Variants in LGMN observed in about 807,000 individuals in gnomAD.
The protein encoded by LGMN is asparaginyl endopeptidase.
A neutral mutation model predicts 56.8 loss-of-function variants in LGMN; 36 were observed. The ratio of observed to expected loss-of-function variants is 0.63; its 90% CI spans 0.49 to 0.84. The LOEUF (loss-of-function observed/expected upper bound fraction) is 0.84. Among genes scored for constraint, LGMN ranks in the 40% least tolerant of loss-of-function variants. The pLI is 0.00. For synonymous variants in LGMN, 199 were observed against 210.1 expected (o/e 0.95, Z 0.46); for missense variants, 446 against 556.1 (o/e 0.80, Z 1.99).
At chr14:92,716,300 T>C (rs149449628) in intron 4 of LGMN, 79 bp from the exon 5 acceptor site, 4 of 999,114 alleles carry the variant, frequency 4.0e-6, no homozygotes, top group Non-Finnish European at 6.4e-6. Context: ...AACCGACCCA[T>C]GCCACCAGCC....
chr14:92,704,084 C>A lies in LGMN; in HGVS notation c.*235G>T, dbSNP rs752417825. The A allele has an allele frequency of 8.4e-5, 59 of 704,490 alleles. No individual in the cohort carries two copies. The highest frequency in any genetic ancestry group is 1.4e-4 in the Non-Finnish European group (53 of 387,518). 43.6% of individuals were successfully genotyped at this position (704,490 alleles called of 1,614,324 possible). A position where few individuals can be genotyped will look rare whatever the true frequency, so the allele number is the denominator to read the frequency against. On this transcript the variant is annotated 3_prime_UTR_variant, in exon 14 of 14. Coordinates refer to ENST00000334869, the MANE Select transcript of LGMN (RefSeq NM_005606.7). ...CAAACCTCCTAGAAAGCAAATATGA[C>A]CCTTCTCAATACAGAGCTTTTCCCA...
chr14:92,717,586 C>T, intron 3 of LGMN, 125 bp from the exon 4 acceptor site: 1 of 666,692 alleles, frequency 1.5e-6, no homozygotes, highest in Non-Finnish European at 2.7e-6. Flanking sequence ...CAACTTATGG[C>T]CTGCAGGGTG....
In LGMN at chr14:92,714,310, A is replaced by T; in HGVS notation, c.480+66T>A. ...ACTAGAAAATACACGCTATGGGTTT[A>T]ATCTCGACACCTAGGCTTGCTTTTC... is the stretch of plus-strand genomic sequence containing the variant. On this transcript the variant is annotated intron_variant, in intron 6 of 13. Transcript: ENST00000334869. The surrounding 1 kb of genome is among the most constrained non-coding windows in gnomAD (Gnocchi z 5.1). The T allele has an allele frequency of 8.8e-7, 1 of 1,136,260 alleles. No individual in the cohort carries two copies. Among genetic ancestry groups the T allele is most frequent in the Non-Finnish European group, 1.3e-6 (1 of 752,348 alleles). The allele number at this position is 1,136,260 out of a possible 1,614,324, so 70.4% of individuals were successfully genotyped here.
At chr14:92,713,252 G>C (rs1261440949) in intron 7 of LGMN, among the ~76,000 whole-genome samples, 1 of 151,408 alleles carries the variant, frequency 6.6e-6, no homozygotes, top group Non-Finnish European at 1.5e-5. Context: ...TTGTTTTTTT[G>C]TTTTTTTAGT....
At chr14:92,722,240 CAT>C (rs957204225) in intron 2 of LGMN, among the ~76,000 whole-genome samples, 1 of 151,690 alleles carries the variant, frequency 6.6e-6, no homozygotes, top group Non-Finnish European at 1.5e-5. Flanking sequence ...AAGGTGTACA[CAT>C]GTTATACAGA....
At chr14:92,717,719 C>T (rs934874138) in intron 3 of LGMN, among the ~76,000 whole-genome samples, 2 of 152,300 alleles carry the variant, frequency 1.3e-5, no homozygotes, top group South Asian at 2.1e-4. Flanking sequence ...AGCATAGGTG[C>T]GCCTGGCTGC....
intron 2 of LGMN, among the ~76,000 whole-genome samples, chr14:92,719,088 A>G (rs1357786257): frequency 1.3e-5 from 2 of 151,824 alleles, no homozygotes; most frequent in East Asian, 3.9e-4. Context: ...TACACATTGC[A>G]CATGTGAGCA....
In LGMN at chr14:92,719,176, A is replaced by G. The variant is rs1319168430; in HGVS notation, c.139-332T>C. Among the ~76,000 whole-genome samples the G allele has an allele frequency of 6.7e-3, 700 of 104,082 alleles. 34 individuals are homozygous for G. The highest frequency in any genetic ancestry group is 0.028 in the African/African-American group (623 of 21,866). 68.3% of individuals were successfully genotyped at this position (104,082 alleles called of 152,430 possible). A position where few individuals can be genotyped will look rare whatever the true frequency, so the allele number is the denominator to read the frequency against. ...CGCCACTGCCACCACCACCACCACC[A>G]CCACCATCACCACCACCGCCACCAA... On this transcript the variant is annotated intron_variant, in intron 2 of 13. Coordinates refer to ENST00000334869, the MANE Select transcript of LGMN (RefSeq NM_005606.7).
intron 1 of LGMN, among the ~76,000 whole-genome samples, chr14:92,738,786 C>T (rs539402310): frequency 1.3e-4 from 20 of 151,374 alleles, no homozygotes; most frequent in East Asian, 6.0e-4. Context: ...TTTGGGAGGC[C>T]GAGGTGGGCA....
In LGMN at chr14:92,704,253, C is replaced by T. The variant is rs754496093; in HGVS notation, c.*66G>A. On this transcript the variant is annotated 3_prime_UTR_variant, in exon 14 of 14. Coordinates refer to ENST00000334869, the MANE Select transcript of LGMN (RefSeq NM_005606.7). ...GCGGAGACTTCTCACTCCACCTCTC[C>T]AGTCTCTGATCAGCACACAGTCGGT... The T allele has an allele frequency of 1.9e-6, 3 of 1,610,660 alleles. No homozygotes were observed. The highest frequency in any genetic ancestry group is 1.1e-5 in the South Asian group (1 of 91,026).
intron 1 of LGMN, among the ~76,000 whole-genome samples, chr14:92,745,592 C>A (rs1303134041): frequency 3.9e-5 from 6 of 152,160 alleles, no homozygotes; most frequent in Non-Finnish European, 7.4e-5. Context: ...AAGATACATA[C>A]CCACTCTACA....
intron 2 of LGMN, among the ~76,000 whole-genome samples, chr14:92,719,248 AC>A: frequency 4.4e-5 from 1 of 22,518 alleles, no homozygotes; most frequent in South Asian, 2.2e-3. Flanking sequence ...CACCACCGCC[AC>A]CACCACCACC....
rs1253886794 is a variant in LGMN, at chr14:92,714,847, C to CT, written c.405-397_405-396insA. 1.3e-5 allele frequency among the ~76,000 whole-genome samples: 2 copies of CT among 152,342 alleles called. No homozygotes were observed. The highest frequency in any genetic ancestry group is 3.9e-4 in the East Asian group (2 of 5,188). ...CACAGGCCTGCAGCCTCCCCCCCTC[C>CT]AGGCCTCCTGTGGCCCACAGTCTGG... On this transcript the variant is annotated intron_variant, in intron 5 of 13. Transcript: ENST00000334869. This position sits in a 1 kb window ranked among gnomAD's most constrained non-coding sequence, Gnocchi z 5.1.
intron 11 of LGMN, 143 bp from the exon 12 acceptor site, chr14:92,706,796 G>C (rs1233809073): frequency 3.0e-5 from 21 of 708,078 alleles, no homozygotes; most frequent in Non-Finnish European, 3.9e-5. Flanking sequence ...CAATCAATGT[G>C]CTCCGAGAAA....
At chr14:92,731,758 T>C (rs1213993352) in intron 2 of LGMN, among the ~76,000 whole-genome samples, 3 of 152,234 alleles carry the variant, frequency 2.0e-5, no homozygotes, top group Non-Finnish European at 4.4e-5. Context: ...CTATGAACAG[T>C]CATGTACATG....
intron 1 of LGMN, among the ~76,000 whole-genome samples, chr14:92,744,266 A>T (rs967204853): frequency 1.3e-5 from 2 of 152,254 alleles, no homozygotes; most frequent in Non-Finnish European, 2.9e-5. Context: ...AGATTAGAGC[A>T]TACTCTTCAC....
In LGMN at chr14:92,742,292, C is replaced by CTTTTTT. The variant is rs756259014; in HGVS notation, c.-30+6191_-30+6196dup. ...AAATGTCTTGCTGTTTTTTGTTTTG[C>CTTTTTT]TTTTTTTTTTTTTCTTTTTTTTTGA... is the stretch of plus-strand genomic sequence containing the variant. On this transcript the variant is annotated intron_variant, in intron 1 of 13. Coordinates refer to ENST00000334869, the MANE Select transcript of LGMN (RefSeq NM_005606.7). Among the ~76,000 whole-genome samples the CTTTTTT allele has an allele frequency of 1.2e-4, 10 of 83,998 alleles. 1 individual carries two copies. Among genetic ancestry groups the CTTTTTT allele is most frequent in the Middle Eastern group, 6.9e-3 (1 of 144 alleles). The allele number at this position is 83,998 out of a possible 152,430, so 55.1% of individuals were successfully genotyped here.
chr14:92,706,829 T>C (rs1023490514), intron 11 of LGMN, among the ~76,000 whole-genome samples, 176 bp from the exon 12 acceptor site: 1 of 152,116 alleles, frequency 6.6e-6, no homozygotes, highest in Non-Finnish European at 1.5e-5. Flanking sequence ...CTGTGCCCAC[T>C]TGTGCGACGG....
chr14:92,706,287 C>A, intron 12 of LGMN, 196 bp downstream of exon 12: 1 of 438,798 alleles, frequency 2.3e-6, no homozygotes, highest in Non-Finnish European at 4.0e-6. Context: ...CTCCTACCCA[C>A]TGGGACAAGA....
Sources: allele counts gnomAD v4.1 joint callset (sites outside exome capture counted in the v4.1 genomes callset), GRCh38; gene constraint gnomAD v4.1.1; non-coding constraint Gnocchi (gnomAD v3.1); transcripts MANE v1.5; gene names NCBI Gene and HGNC (gene_info 2026-07-23, HGNC 2026-07-21).